HAUS7: variants seen among roughly 807,000 people sequenced by gnomAD.
HAUS7 encodes HAUS augmin like complex subunit 7.
A neutral mutation model predicts 28.4 loss-of-function variants in HAUS7; 3 were observed. That is an observed-to-expected ratio of 0.11 (90% CI 0.05 to 0.27). The LOEUF (loss-of-function observed/expected upper bound fraction) is 0.27. Among genes scored for constraint, HAUS7 ranks in the 10% least tolerant of loss-of-function variants. The probability of loss-of-function intolerance (pLI) is 1.00; values close to 1 mark genes in which losing one functional copy is unlikely to be tolerated. For missense variants in HAUS7, 284 were observed against 297.3 expected, an observed-to-expected ratio of 0.96 and a Z score of 0.33; for synonymous variants, 165 against 132.1, an observed-to-expected ratio of 1.25 and a Z score of -1.71.
intron 1 of HAUS7, among the ~76,000 whole-genome samples, chrX:153,492,063 G>C (rs1389943079): frequency 8.9e-6 from 1 of 112,413 alleles, no homozygotes; most frequent in Non-Finnish European, 1.9e-5. Flanking sequence ...TAAGACAGCT[G>C]TGTGTCCGCC....
rs373660860 is a variant in HAUS7 at position 153,470,543 on chromosome X, G to A, written c.15C>T (p.Asp5=). Residue 5 remains aspartate, a synonymous_variant, in exon 1 of 10, where the codon GAC becomes GAT. Coordinates refer to ENST00000370211, the MANE Select transcript of HAUS7 (RefSeq NM_001385482.1). ...CGTCGCCGCCACGGCCGCAGCCAGC[G>A]TCCTGCCCCGCCATGTTTCGCGCTC... MAGQ[D]AGCGRGGDDY... is the part of the protein sequence containing the mutation. 1.8e-5 allele frequency: 21 copies of A among 1,187,909 alleles called. No individual in the cohort carries two copies. Among genetic ancestry groups the A allele is most frequent in the Non-Finnish European group, 2.1e-5 (19 of 884,827 alleles).
At chrX:153,494,869 G>A (rs1556990352) in intron 1 of HAUS7, 2 of 31,851 alleles carry the variant, frequency 6.3e-5, no homozygotes, top group East Asian at 1.0e-3. Context: ...CGCCCTCTCC[G>A]CCCCACCAGC....
chrX:153,477,103 C>T (rs2089567220), intron 1 of HAUS7, among the ~76,000 whole-genome samples: 1 of 113,211 alleles, frequency 8.8e-6, no homozygotes, highest in Non-Finnish European at 1.9e-5. Context: ...CGAGGCCAGG[C>T]CTCCATGGGA....
chrX:153,488,242 G>A (rs1556988934), intron 1 of HAUS7, among the ~76,000 whole-genome samples: 1 of 112,908 alleles, frequency 8.9e-6, no homozygotes, highest in Non-Finnish European at 1.9e-5. Flanking sequence ...CCCCCATCTC[G>A]ATCTGGGCAC....
intron 1 of HAUS7, chrX:153,495,343 C>A: frequency 8.8e-6 from 1 of 114,061 alleles, no homozygotes. Flanking sequence ...GCACCTTTCC[C>A]TCACCCCTTC....
chrX:153,470,828 C>CG (rs1235505697), upstream of HAUS7: 1 of 408,818 alleles, frequency 2.4e-6, no homozygotes, highest in Admixed American at 3.0e-5. Context: ...GGGCGGACAC[C>CG]GGGAAGGAGG....
chrX:153,456,879 T>C (rs782516566), intron 5 of HAUS7: 37 of 439,241 alleles, frequency 8.4e-5, no homozygotes, highest in South Asian at 6.6e-4. Context: ...CCTCTGTGCC[T>C]GGCCCGTCTG....
At chrX:153,472,570 C>T (rs2089536127), upstream of HAUS7, among the ~76,000 whole-genome samples, 2 of 109,073 alleles carry the variant, frequency 1.8e-5, no homozygotes, top group South Asian at 8.0e-4. Flanking sequence ...AAGAAGGGGC[C>T]CAGAGGTAGA....
intron 8 of HAUS7, 129 bp downstream of exon 8, chrX:153,455,413 G>A (rs2089292880): frequency 6.2e-6 from 3 of 484,662 alleles, no homozygotes; most frequent in Admixed American, 3.6e-5. Flanking sequence ...GCCCCTCCCA[G>A]CCCCTGGTCC....
intron 4 of HAUS7, among the ~76,000 whole-genome samples, chrX:153,459,053 C>T (rs2089353595): frequency 1.8e-5 from 2 of 112,317 alleles, no homozygotes; most frequent in South Asian, 7.4e-4. Flanking sequence ...CCACCAGGCC[C>T]GGCCTCCTTT....
chrX:153,456,147 T>G, intron 7 of HAUS7, 118 bp downstream of exon 7: 1 of 560,089 alleles, frequency 1.8e-6, no homozygotes, highest in Non-Finnish European at 3.1e-6. Context: ...ACCACAGTAT[T>G]CTAGAACATG....
intron 3 of HAUS7, 136 bp downstream of exon 3, chrX:153,464,852 G>C: frequency 2.0e-6 from 1 of 508,895 alleles, no homozygotes; most frequent in Non-Finnish European, 3.5e-6. Context: ...CTAGGGAAGG[G>C]TGGGGTTCAA....
intron 1 of HAUS7, among the ~76,000 whole-genome samples, chrX:153,477,664 C>T (rs2089571057): frequency 8.9e-6 from 1 of 112,779 alleles, no homozygotes; most frequent in Admixed American, 9.3e-5. Context: ...GACACTGGCC[C>T]ACAGCCATCC....
intron 4 of HAUS7, chrX:153,462,187 G>T: frequency 9.8e-7 from 1 of 1,025,062 alleles, no homozygotes; most frequent in Non-Finnish European, 1.3e-6. Flanking sequence ...AAACGAGAAG[G>T]TGGGTGCTGG....
chrX:153,485,201 C>T (rs1556988223), intron 1 of HAUS7, among the ~76,000 whole-genome samples: 1 of 111,837 alleles, frequency 8.9e-6, no homozygotes, highest in Non-Finnish European at 1.9e-5. Flanking sequence ...CAGCCCTAAC[C>T]CTCATGGAGC....
chrX:153,461,083 CAG>C (rs1484509839), intron 4 of HAUS7, among the ~76,000 whole-genome samples: 2 of 111,150 alleles, frequency 1.8e-5, no homozygotes, highest in African/African-American at 3.4e-5. Context: ...GCTGCAGAAA[CAG>C]AGCTGATGCT....
At chrX:153,480,884 G>A (rs2089595410) in intron 1 of HAUS7, 1 of 754,880 alleles carries the variant, frequency 1.3e-6, no homozygotes, top group Non-Finnish European at 1.6e-6. Context: ...TGAGGCCCTG[G>A]CAGGCCGGCA....
chrX:153,458,431 G>A (rs1026397308), intron 4 of HAUS7, among the ~76,000 whole-genome samples: 10 of 113,179 alleles, frequency 8.8e-5, no homozygotes, highest in Middle Eastern at 4.2e-3. Context: ...CGAGGATCAC[G>A]CGTGTCCCAG....
At chrX:153,465,361 G>A (rs913500701) in intron 2 of HAUS7, among the ~76,000 whole-genome samples, 22 of 107,971 alleles carry the variant, frequency 2.0e-4, no homozygotes, top group Non-Finnish European at 3.8e-4. Flanking sequence ...AGGCAGAGAG[G>A]GAAGCTGCCA....
Sources: gnomAD v4.1 joint callset for allele counts (sites outside exome capture counted in the v4.1 genomes callset) on GRCh38, gnomAD v4.1.1 for gene constraint, MANE v1.5 for transcripts, NCBI Gene and HGNC (gene_info 2026-07-23, HGNC 2026-07-21) for gene names.